WLS: variants seen among roughly 807,000 people sequenced by gnomAD.
WLS encodes Wnt ligand secretion mediator, also known as protein wntless homolog.
In WLS, 23 loss-of-function variants were observed where a neutral mutation model predicts 62.8. The ratio of observed to expected loss-of-function variants is 0.37; its 90% CI spans 0.26 to 0.52. The LOEUF is 0.52. Among genes scored for constraint, WLS ranks in the 20% least tolerant of loss-of-function variants. WLS has a pLI of 0.92. For synonymous variants in WLS, 246 were observed against 244.1 expected, an observed-to-expected ratio of 1.01 and a Z score of -0.07; for missense variants, 615 against 697.3, an observed-to-expected ratio of 0.88 and a Z score of 1.33.
chr1:68,165,307 T>C (rs1374452626), intron 2 of WLS, among the ~76,000 whole-genome samples: 1 of 152,050 alleles, frequency 6.6e-6, no homozygotes, highest in Non-Finnish European at 1.5e-5. Flanking sequence ...GTCCCACACT[T>C]TTAAAGGGTC....
chr1:68,206,257 A>C (rs1649275276), intron 1 of WLS, among the ~76,000 whole-genome samples: 1 of 152,232 alleles, frequency 6.6e-6, no homozygotes, highest in African/African-American at 2.4e-5. Flanking sequence ...AGGGGGGTTT[A>C]GTATGGAGGG....
intron 1 of WLS, among the ~76,000 whole-genome samples, chr1:68,198,021 G>A (rs1336369500): frequency 6.6e-6 from 1 of 152,146 alleles, no homozygotes; most frequent in Non-Finnish European, 1.5e-5. Context: ...AGTCATGTTT[G>A]CTCAGGTGAA....
intron 1 of WLS, among the ~76,000 whole-genome samples, chr1:68,209,979 A>C (rs1377329392): frequency 6.6e-6 from 1 of 152,212 alleles, no homozygotes; most frequent in Non-Finnish European, 1.5e-5. Context: ...AAACTAATGC[A>C]GGGATACACA....
chr1:68,225,760 C>G (rs1467534004), intron 1 of WLS, among the ~76,000 whole-genome samples: 6 of 152,170 alleles, frequency 3.9e-5, no homozygotes, highest in Non-Finnish European at 8.8e-5. Context: ...TCCACCATCA[C>G]TACCAACCTA....
chr1:68,184,112 T>C (rs1006201192), intron 2 of WLS, among the ~76,000 whole-genome samples: 2 of 152,210 alleles, frequency 1.3e-5, no homozygotes, highest in Non-Finnish European at 1.5e-5. Context: ...AACTCCTAGA[T>C]TTACTACTCA....
At position 68,166,946 on chromosome 1, in the gene WLS, C is replaced by T. The variant is rs553459354; in HGVS notation, c.380-7699G>A. ...GCATCCTGCCATCTTTTATGATGTA[C>T]ATAAAAAAATAGAAATCACAGGGAG... On this transcript the variant is annotated intron_variant, in intron 2 of 11. Coordinates refer to ENST00000262348, the MANE Select transcript of WLS (RefSeq NM_024911.7). 4.2e-4 allele frequency among the ~76,000 whole-genome samples: 64 copies of T among 152,144 alleles called. 1 individual carries two copies. The highest frequency in any genetic ancestry group is 1.3e-3 in the African/African-American group (56 of 41,494).
At chr1:68,197,511 A>G (rs953942090) in intron 1 of WLS, among the ~76,000 whole-genome samples, 3 of 152,172 alleles carry the variant, frequency 2.0e-5, no homozygotes, top group African/African-American at 7.2e-5. Context: ...CGTTTTTCTA[A>G]TAGTGTTCAA....
At chr1:68,182,643 T>C (rs1012563032) in intron 2 of WLS, among the ~76,000 whole-genome samples, 1 of 151,966 alleles carries the variant, frequency 6.6e-6, no homozygotes, top group Non-Finnish European at 1.5e-5. Context: ...TGTAAGCCCA[T>C]CTTGAATACT....
At chr1:68,183,959 T>G (rs551294193) in intron 2 of WLS, among the ~76,000 whole-genome samples, 6 of 152,172 alleles carry the variant, frequency 3.9e-5, no homozygotes, top group Non-Finnish European at 8.8e-5. Context: ...AAGACAACAC[T>G]GGGTTCCAGT....
intron 1 of WLS, among the ~76,000 whole-genome samples, chr1:68,215,375 A>T (rs2100652663): frequency 6.6e-6 from 1 of 152,218 alleles, no homozygotes; most frequent in East Asian, 1.9e-4. Context: ...CATTACTATC[A>T]ATCAACGAAA....
chr1:68,217,290 C>A (rs1649768468), intron 1 of WLS, among the ~76,000 whole-genome samples: 2 of 152,198 alleles, frequency 1.3e-5, no homozygotes, highest in South Asian at 2.1e-4. Context: ...GTGGTGTTAA[C>A]TTCTCCCATG....
At chr1:68,180,798 T>C (rs1238877560) in intron 2 of WLS, among the ~76,000 whole-genome samples, 1 of 152,178 alleles carries the variant, frequency 6.6e-6, no homozygotes, top group Non-Finnish European at 1.5e-5. Context: ...CAACCTGGTG[T>C]TGGGTCTGAT....
At chr1:68,220,501 T>G (rs147716198) in intron 1 of WLS, among the ~76,000 whole-genome samples, 187 of 152,328 alleles carry the variant, frequency 1.2e-3, no homozygotes, top group Non-Finnish European at 2.4e-3. Context: ...TCACAGAATT[T>G]AAATGGTTAG....
At chr1:68,181,747 T>C (rs1377262987) in intron 2 of WLS, among the ~76,000 whole-genome samples, 2 of 152,190 alleles carry the variant, frequency 1.3e-5, no homozygotes, top group African/African-American at 4.8e-5. Context: ...GAGTTCAAGC[T>C]TTCTCCAGCT....
intron 10 of WLS, among the ~76,000 whole-genome samples, chr1:68,139,431 T>A (rs1646656988): frequency 6.6e-6 from 1 of 152,166 alleles, no homozygotes; most frequent in Non-Finnish European, 1.5e-5. Context: ...AAGAAAGCAT[T>A]AAGATAGTTT....
intron 2 of WLS, among the ~76,000 whole-genome samples, chr1:68,169,352 C>A (rs1647111913): frequency 6.6e-6 from 1 of 152,130 alleles, no homozygotes; most frequent in South Asian, 2.1e-4. Context: ...GTGGAGACAT[C>A]AATTTTTTTA....
At chr1:68,164,251 C>A (rs1194319716) in intron 2 of WLS, among the ~76,000 whole-genome samples, 2 of 145,932 alleles carry the variant, frequency 1.4e-5, no homozygotes, top group African/African-American at 2.7e-5. Context: ...CATGAGCAGA[C>A]AAGAGATTTC....
intron 4 of WLS, among the ~76,000 whole-genome samples, chr1:68,154,763 T>A (rs77561205): frequency 0.041 from 6,200 of 152,298 alleles, 161 homozygotes; most frequent in Middle Eastern, 0.095. Context: ...CTATTCCTTT[T>A]AACATTTGTG....
At chr1:68,208,411 C>G (rs1649372455) in intron 1 of WLS, among the ~76,000 whole-genome samples, 1 of 152,054 alleles carries the variant, frequency 6.6e-6, no homozygotes, top group Non-Finnish European at 1.5e-5. Flanking sequence ...TCATGATGCA[C>G]AATCAAAAGA....
Sources: allele counts gnomAD v4.1 joint callset (sites outside exome capture counted in the v4.1 genomes callset), GRCh38; gene constraint gnomAD v4.1.1; transcripts MANE v1.5; gene names NCBI Gene and HGNC (gene_info 2026-07-23, HGNC 2026-07-21).